The following STARD13 variants were observed in gnomAD, a reference collection of about 807,000 sequenced individuals.
The protein encoded by STARD13 is StAR related lipid transfer domain containing 13, also known as stAR-related lipid transfer protein 13.
A neutral mutation model predicts 106.4 loss-of-function variants in STARD13; 62 were observed. The observed-to-expected ratio is 0.58, with a 90% CI of 0.48 to 0.72. STARD13 has a LOEUF of 0.72. Among genes scored for constraint, STARD13 ranks in the 30% least tolerant of loss-of-function variants. STARD13 has a pLI of 0.00. For missense variants in STARD13, 1,387 were observed against 1,424.0 expected, an observed-to-expected ratio of 0.97 and a Z score of 0.42; for synonymous variants, 565 against 553.0, an observed-to-expected ratio of 1.02 and a Z score of -0.31.
chr13:33,666,579 GC>G, the STARD13 span, among the ~76,000 whole-genome samples: 1 of 151,994 alleles, frequency 6.6e-6, no homozygotes, highest in Non-Finnish European at 1.5e-5. Context: ...ACAGGCGTGA[GC>G]CACTGCACCC....
chr13:33,105,879 A>T (rs1442072241), intron 13 of STARD13, among the ~76,000 whole-genome samples, 169 bp from the exon 14 acceptor site: 3 of 152,238 alleles, frequency 2.0e-5, no homozygotes, highest in African/African-American at 4.8e-5. Context: ...AGGGGCCTTG[A>T]AAACGTCCTG....
At chr13:33,362,692 A>T in the STARD13 span, among the ~76,000 whole-genome samples, 1 of 152,236 alleles carries the variant, frequency 6.6e-6, no homozygotes, top group African/African-American at 2.4e-5. Context: ...GTCTTAGCAT[A>T]GCTGTCCCCT....
At chr13:33,366,107 T>G in the STARD13 span, among the ~76,000 whole-genome samples, 1 of 152,098 alleles carries the variant, frequency 6.6e-6, no homozygotes, top group Non-Finnish European at 1.5e-5. The surrounding 1 kb of genome is among the most constrained non-coding windows in gnomAD (Gnocchi z 4.2). Context: ...ATATAGAATT[T>G]TTTTCTAGGT....
chr13:33,612,600 C>A, the STARD13 span, among the ~76,000 whole-genome samples: 1 of 152,146 alleles, frequency 6.6e-6, no homozygotes, highest in Non-Finnish European at 1.5e-5. Flanking sequence ...AGGCTGTTTT[C>A]TTTTTCTCTT....
chr13:33,163,548 C>T (rs1485478226), intron 3 of STARD13, among the ~76,000 whole-genome samples: 1 of 141,080 alleles, frequency 7.1e-6, no homozygotes, highest in Admixed American at 7.4e-5. Context: ...TGAGATTGCA[C>T]CACTGTGCTC....
the STARD13 span, among the ~76,000 whole-genome samples, chr13:33,395,159 T>C: frequency 2.0e-5 from 3 of 152,216 alleles, no homozygotes; most frequent in African/African-American, 7.2e-5. Flanking sequence ...GATTTTCCTT[T>C]GGTAGAGTTA....
At chr13:33,159,403 A>G (rs1882364927) in intron 3 of STARD13, among the ~76,000 whole-genome samples, 2 of 152,206 alleles carry the variant, frequency 1.3e-5, no homozygotes, top group Admixed American at 1.3e-4. Context: ...GGCATCTCAG[A>G]TCACATGCAG....
chr13:33,254,212 G>A (rs560885510), intron 1 of STARD13, among the ~76,000 whole-genome samples: 19 of 152,238 alleles, frequency 1.2e-4, no homozygotes, highest in Non-Finnish European at 2.6e-4. Context: ...GGCACAGCAT[G>A]AGGTCAAGTC....
At position 33,110,690 on chromosome 13, in the gene STARD13, T is replaced by C; in HGVS notation, c.2825A>G (p.Lys942Arg). The stretch of plus-strand genomic sequence containing the variant: ...TTTTCCATCCTCTGAGATTACCTTT[T>C]TGAAAGCAAGATCTGTATTGTCCGT... ...SSTDNTDLAF[K>R]KVGDGNPLKL... is the part of the protein sequence containing the mutation. Residue 942 changes from lysine (K) to arginine (R), a missense_variant, in exon 11 of 14, where the codon AAA becomes AGA. Coordinates refer to ENST00000336934, the MANE Select transcript of STARD13 (RefSeq NM_178006.4). 1 of 1,613,804 alleles carries C rather than the reference T, an allele frequency of 6.2e-7. No homozygotes were observed. Among genetic ancestry groups the C allele is most frequent in the Non-Finnish European group, 8.5e-7 (1 of 1,179,656 alleles).
chr13:33,550,503 C>G, the STARD13 span, among the ~76,000 whole-genome samples: 1 of 152,206 alleles, frequency 6.6e-6, no homozygotes, highest in Non-Finnish European at 1.5e-5. Flanking sequence ...CATTACAGAC[C>G]TGTCCTGGTA....
At chr13:33,425,001 T>G in the STARD13 span, among the ~76,000 whole-genome samples, 2 of 152,220 alleles carry the variant, frequency 1.3e-5, no homozygotes, top group African/African-American at 2.4e-5. Context: ...AGCTGCTGAT[T>G]GTTACTGAAT....
intron 8 of STARD13, among the ~76,000 whole-genome samples, chr13:33,115,921 G>A (rs1028725498): frequency 4.6e-5 from 7 of 152,156 alleles, no homozygotes; most frequent in Admixed American, 2.0e-4. Flanking sequence ...ACTGAGCTGC[G>A]GGATACCCAA....
chr13:33,514,863 A>G, the STARD13 span, among the ~76,000 whole-genome samples: 1 of 151,926 alleles, frequency 6.6e-6, no homozygotes, highest in African/African-American at 2.4e-5. Context: ...CCGGCACCCC[A>G]CTCCCACCAA....
the STARD13 span, among the ~76,000 whole-genome samples, chr13:33,533,056 A>C: frequency 6.6e-6 from 1 of 152,220 alleles, no homozygotes; most frequent in African/African-American, 2.4e-5. Context: ...CAGTGGGAGA[A>C]AGGCCAATCC....
At chr13:33,109,164 G>T (rs1874165498) in intron 12 of STARD13, among the ~76,000 whole-genome samples, 1 of 152,124 alleles carries the variant, frequency 6.6e-6, no homozygotes. Flanking sequence ...CAATAAAAAA[G>T]GATATATTGA....
At chr13:33,131,841 T>C (rs1593919396) in intron 4 of STARD13, among the ~76,000 whole-genome samples, 1 of 152,266 alleles carries the variant, frequency 6.6e-6, no homozygotes, top group East Asian at 1.9e-4. Context: ...ACTTATAAGA[T>C]TGAAGCGGGT....
chr13:33,177,792 G>GAAGT lies in STARD13; in HGVS notation c.170-10171_170-10170insACTT, dbSNP rs1326537799. Among the ~76,000 whole-genome samples the GAAGT allele has an allele frequency of 3.0e-4, 11 of 36,090 alleles. 3 individuals carry two copies. The highest frequency in any genetic ancestry group is 1.4e-3 in the African/African-American group (9 of 6,248). The allele number at this position is 36,090 out of a possible 152,430, so 23.7% of individuals were successfully genotyped here. On this transcript the variant is annotated intron_variant, in intron 1 of 13. Transcript: ENST00000336934. The stretch of plus-strand genomic sequence containing the variant: ...GAAAGGAAGGAAGGAAGGAAGGAAG[G>GAAGT]AAGGAAGGAAAGGAAGGAAGGAAGG...
At chr13:33,477,960 A>T in the STARD13 span, among the ~76,000 whole-genome samples, 4 of 151,222 alleles carry the variant, frequency 2.6e-5, no homozygotes, top group African/African-American at 9.7e-5. Context: ...CTGCATCCAG[A>T]CGGTAAGACT....
intron 1 of STARD13, among the ~76,000 whole-genome samples, chr13:33,252,173 G>A (rs903681947): frequency 6.6e-6 from 1 of 152,144 alleles, no homozygotes; most frequent in Non-Finnish European, 1.5e-5. Flanking sequence ...ATCCAAAATT[G>A]TGAGCAGCTT....
Sources: allele counts gnomAD v4.1 joint callset (sites outside exome capture counted in the v4.1 genomes callset), GRCh38; gene constraint gnomAD v4.1.1; non-coding constraint Gnocchi (gnomAD v3.1); transcripts MANE v1.5; gene names NCBI Gene and HGNC (gene_info 2026-07-23, HGNC 2026-07-21).